The following ARHGAP26 variants were observed in gnomAD, a reference collection of about 807,000 sequenced individuals.
ARHGAP26 encodes the protein rho GTPase-activating protein 26.
In ARHGAP26, 38 loss-of-function variants were observed where a neutral mutation model predicts 104.8. The observed-to-expected ratio is 0.36, with a 90% CI of 0.28 to 0.48. ARHGAP26 has a LOEUF of 0.48. Ranked by LOEUF, ARHGAP26 falls within the 20% of genes least tolerant of loss-of-function variation. The probability of loss-of-function intolerance (pLI) is 0.99; values close to 1 mark genes in which losing one functional copy is unlikely to be tolerated. For synonymous variants in ARHGAP26, 341 were observed against 340.0 expected, an observed-to-expected ratio of 1.00 and a Z score of -0.03; for missense variants, 704 against 947.9, an observed-to-expected ratio of 0.74 and a Z score of 3.38.
chr5:142,849,457 C>T (rs1480009505), intron 1 of ARHGAP26, among the ~76,000 whole-genome samples: 1 of 152,228 alleles, frequency 6.6e-6, no homozygotes, highest in Non-Finnish European at 1.5e-5. Context: ...TGCTAACATT[C>T]CTTCTCTGTG....
intron 11 of ARHGAP26, among the ~76,000 whole-genome samples, chr5:142,959,134 G>A (rs928537218): frequency 6.6e-6 from 1 of 152,160 alleles, no homozygotes; most frequent in South Asian, 2.1e-4. Flanking sequence ...AGCACAGTCT[G>A]AACCCAGAGC....
At position 142,913,216 on chromosome 5, in the gene ARHGAP26, T is replaced by C; in HGVS notation, c.951T>C (p.Val317=). ...SGGKGGEDES[V]ILKSCTRRKT... is the part of the protein sequence containing the mutation. ...CCCACTAGGGAGAAGATGAATCAGT[T>C]ATCCTCAAATCCTGCACACGGCGGA... The change falls in exon 10 of 23, where the codon GTT becomes GTC. Residue 317 remains valine (V), a synonymous_variant. Transcript: ENST00000645722. 6.2e-7 allele frequency: 1 copy of C among 1,614,186 alleles called. No individual in the cohort carries two copies. The highest frequency in any genetic ancestry group is 8.5e-7 in the Non-Finnish European group (1 of 1,180,004).
At chr5:143,143,899 A>G (rs147813570) in intron 19 of ARHGAP26, among the ~76,000 whole-genome samples, 1 of 152,354 alleles carries the variant, frequency 6.6e-6, no homozygotes, top group Non-Finnish European at 1.5e-5. Flanking sequence ...ATGCATGCTT[A>G]CCATTATTTG....
At chr5:142,902,839 G>A (rs977716037) in intron 7 of ARHGAP26, among the ~76,000 whole-genome samples, 3 of 152,180 alleles carry the variant, frequency 2.0e-5, no homozygotes, top group Non-Finnish European at 2.9e-5. Context: ...CTCTGAAATC[G>A]AGATTGACAT....
At chr5:143,146,902 C>T (rs910230969) in intron 19 of ARHGAP26, among the ~76,000 whole-genome samples, 1 of 152,208 alleles carries the variant, frequency 6.6e-6, no homozygotes, top group Non-Finnish European at 1.5e-5. Context: ...AGGCTTTTCT[C>T]TACTCTGGCA....
At chr5:142,805,852 T>C (rs1406229212) in intron 1 of ARHGAP26, among the ~76,000 whole-genome samples, 2 of 152,188 alleles carry the variant, frequency 1.3e-5, no homozygotes, top group East Asian at 3.8e-4. Flanking sequence ...GTTGCTGATT[T>C]TGGACCAGGA....
At chr5:142,813,406 G>A (rs1430481431) in intron 1 of ARHGAP26, among the ~76,000 whole-genome samples, 1 of 152,222 alleles carries the variant, frequency 6.6e-6, no homozygotes, top group East Asian at 1.9e-4. Flanking sequence ...ATGGCTGACT[G>A]TTTCAGAAGG....
intron 5 of ARHGAP26, among the ~76,000 whole-genome samples, chr5:142,892,669 G>T (rs751891086): frequency 1.3e-5 from 2 of 149,554 alleles, no homozygotes; most frequent in Non-Finnish European, 1.5e-5. Flanking sequence ...CGTCTGTTTG[G>T]CTCACCCACT....
At chr5:143,118,161 CA>C (rs1369947108) in intron 17 of ARHGAP26, among the ~76,000 whole-genome samples, 1 of 152,100 alleles carries the variant, frequency 6.6e-6, no homozygotes, top group African/African-American at 2.4e-5. Flanking sequence ...AAGAAAGCAG[CA>C]GAAGAACATT....
At chr5:143,006,818 G>A (rs1413265339) in intron 11 of ARHGAP26, among the ~76,000 whole-genome samples, 1 of 152,212 alleles carries the variant, frequency 6.6e-6, no homozygotes, top group Non-Finnish European at 1.5e-5. Flanking sequence ...GCTTTTCCAA[G>A]TGTGGCCTGT....
intron 21 of ARHGAP26, among the ~76,000 whole-genome samples, chr5:143,210,250 C>A (rs957968426): frequency 6.6e-6 from 1 of 152,012 alleles, no homozygotes; most frequent in African/African-American, 2.4e-5. Context: ...TCATGGATGG[C>A]GGCAGGCAAA....
At chr5:143,106,522 G>A (rs1794043752) in intron 17 of ARHGAP26, among the ~76,000 whole-genome samples, 1 of 120,384 alleles carries the variant, frequency 8.3e-6, no homozygotes, top group Admixed American at 1.2e-4. Context: ...ACCCAGGCTA[G>A]AGTGCAGTGG....
At chr5:143,012,747 G>GGGTTCAT (rs1302990963) in intron 11 of ARHGAP26, among the ~76,000 whole-genome samples, 1 of 149,074 alleles carries the variant, frequency 6.7e-6, no homozygotes, top group Non-Finnish European at 1.5e-5. Flanking sequence ...TCGACCTCCT[G>GGGTTCAT]GGTTCATGCC....
intron 20 of ARHGAP26, among the ~76,000 whole-genome samples, chr5:143,173,763 G>T (rs1340016608): frequency 6.6e-6 from 1 of 152,156 alleles, no homozygotes; most frequent in Non-Finnish European, 1.5e-5. Context: ...AGCCCAAGTA[G>T]AATTGGAGTT....
chr5:143,136,577 TG>T (rs1239381081), intron 19 of ARHGAP26, among the ~76,000 whole-genome samples: 2 of 152,232 alleles, frequency 1.3e-5, no homozygotes, highest in African/African-American at 4.8e-5. Context: ...CCTTTTTTTC[TG>T]CGAAGCTAGC....
At chr5:143,021,595 G>C (rs1780342032) in intron 12 of ARHGAP26, among the ~76,000 whole-genome samples, 1 of 152,144 alleles carries the variant, frequency 6.6e-6, no homozygotes, top group South Asian at 2.1e-4. Context: ...AGCATCCTGG[G>C]TGTAGAACTT....
chr5:143,161,984 A>G (rs1246494560), intron 20 of ARHGAP26, among the ~76,000 whole-genome samples: 6 of 152,190 alleles, frequency 3.9e-5, no homozygotes, highest in African/African-American at 1.2e-4. Flanking sequence ...GGAGAATGAA[A>G]TTGGCAAGTC....
intron 18 of ARHGAP26, among the ~76,000 whole-genome samples, chr5:143,133,654 CT>C (rs1358739954): frequency 4.4e-4 from 67 of 152,284 alleles, no homozygotes; most frequent in African/African-American, 1.5e-3. Context: ...CAGACAGTGG[CT>C]TCTATTGAGC....
chr5:142,892,722 G>T (rs923922687), intron 5 of ARHGAP26, among the ~76,000 whole-genome samples: 1 of 151,996 alleles, frequency 6.6e-6, no homozygotes, highest in African/African-American at 2.4e-5. Flanking sequence ...TATTTATGGG[G>T]CATGTATACT....
Sources: gnomAD v4.1 joint callset for allele counts (sites outside exome capture counted in the v4.1 genomes callset) on GRCh38, gnomAD v4.1.1 for gene constraint, MANE v1.5 for transcripts, NCBI Gene and HGNC (gene_info 2026-07-23, HGNC 2026-07-21) for gene names.